The following RBM25 variants were observed in gnomAD, a reference collection of about 807,000 sequenced individuals.
RBM25 encodes RNA binding motif protein 25.
Under a neutral mutation model 120.7 loss-of-function variants are expected in RBM25, and 19 were observed. The ratio of observed to expected loss-of-function variants is 0.16; its 90% CI spans 0.11 to 0.23. RBM25 has a LOEUF of 0.23. Ranked by LOEUF, RBM25 falls within the 10% of genes least tolerant of loss-of-function variation. The pLI, the probability that RBM25 is intolerant of heterozygous loss-of-function variation, is 1.00. For missense variants in RBM25, 605 were observed against 1,041.5 expected, an observed-to-expected ratio of 0.58 and a Z score of 5.77; for synonymous variants, 390 against 326.7, an observed-to-expected ratio of 1.19 and a Z score of -2.09.
At chr14:73,114,093 T>C (rs925565335) in intron 17 of RBM25, among the ~76,000 whole-genome samples, 193 bp from the exon 18 acceptor site, 5 of 151,272 alleles carry the variant, frequency 3.3e-5, no homozygotes, top group Non-Finnish European at 7.4e-5. Flanking sequence ...CAGACCACTA[T>C]GGAGATTAAT....
At chr14:73,074,568 G>A (rs1895369406) in intron 2 of RBM25, among the ~76,000 whole-genome samples, 1 of 152,134 alleles carries the variant, frequency 6.6e-6, no homozygotes, top group African/African-American at 2.4e-5. Context: ...GAAAGACCCT[G>A]TCTTGTGGGG....
intron 14 of RBM25, among the ~76,000 whole-genome samples, chr14:73,109,929 G>C (rs1896273467): frequency 1.3e-5 from 2 of 152,074 alleles, no homozygotes; most frequent in African/African-American, 4.8e-5. Context: ...GTGTCGCCCA[G>C]GCTGGAGTGC....
At chr14:73,061,751 A>G (rs980275529) in intron 1 of RBM25, among the ~76,000 whole-genome samples, 4 of 151,172 alleles carry the variant, frequency 2.6e-5, no homozygotes, top group African/African-American at 9.7e-5. Flanking sequence ...TATTTTTGGT[A>G]GAGATGGGGT....
At chr14:73,082,031 G>A (rs1002510598) in intron 4 of RBM25, among the ~76,000 whole-genome samples, 1 of 152,150 alleles carries the variant, frequency 6.6e-6, no homozygotes. Flanking sequence ...AGCTATTTGA[G>A]AATTCTTTTT....
intron 10 of RBM25, among the ~76,000 whole-genome samples, chr14:73,104,239 T>C (rs1003484370): frequency 3.3e-5 from 5 of 152,108 alleles, no homozygotes; most frequent in African/African-American, 1.2e-4. Context: ...TTTATTTGTT[T>C]TTGTAGCCCA....
chr14:73,065,287 C>A (rs747052720), intron 1 of RBM25, among the ~76,000 whole-genome samples: 7 of 152,276 alleles, frequency 4.6e-5, no homozygotes, highest in Admixed American at 2.0e-4. Flanking sequence ...CGCCACCACA[C>A]CCAGCTAGTT....
rs1896536804 is a variant in RBM25 at position 73,121,263 on chromosome 14, A to ATG, written c.*1461_*1462dup. On this transcript the variant is annotated 3_prime_UTR_variant, in exon 19 of 19. Transcript: ENST00000261973. ...ACACTGTTCTTACCCTCGAACCCTGATGTGGTTCCATTATGTAAATATTTC... is the reference window on the plus strand; with the variant it reads ...ACACTGTTCTTACCCTCGAACCCTGATGTGTGGTTCCATTATGTAAATATTTC... The ATG allele has an allele frequency of 6.6e-6, 1 of 152,218 alleles. No homozygotes were observed. The highest frequency in any genetic ancestry group is 1.5e-5 in the Non-Finnish European group (1 of 67,982). The allele number at this position is 152,218 out of a possible 1,614,324, so 9.4% of individuals were successfully genotyped here.
intron 6 of RBM25, among the ~76,000 whole-genome samples, chr14:73,094,056 A>C (rs1177834302): frequency 1.4e-5 from 2 of 143,118 alleles, no homozygotes; most frequent in African/African-American, 5.3e-5. Context: ...GGTTCACGCC[A>C]TTCTCCTGCC....
intron 1 of RBM25, chr14:73,064,930 A>T (rs1405361155): frequency 1.3e-5 from 2 of 151,046 alleles, no homozygotes; most frequent in Non-Finnish European, 3.0e-5. Context: ...AATATAACTT[A>T]AATACCAAGA....
At chr14:73,075,865 C>T (rs1465858466) in intron 2 of RBM25, among the ~76,000 whole-genome samples, 1 of 150,620 alleles carries the variant, frequency 6.6e-6, no homozygotes, top group East Asian at 2.0e-4. Context: ...AGGCAGATCT[C>T]GATCTCCTGG....
At chr14:73,068,597 C>T in intron 1 of RBM25, 1 of 512,288 alleles carries the variant, frequency 2.0e-6, no homozygotes, top group Non-Finnish European at 3.7e-6. Flanking sequence ...CTGACCATGG[C>T]TCTGAGAAGT....
chr14:73,121,214 C>T lies in RBM25; in HGVS notation c.*1409C>T, dbSNP rs773939464. 6.6e-6 allele frequency: 1 copy of T among 150,698 alleles called. No homozygotes were observed. The highest frequency in any genetic ancestry group is 1.5e-5 in the Non-Finnish European group (1 of 67,688). The allele number at this position is 150,698 out of a possible 1,614,324, so 9.3% of individuals were successfully genotyped here. On this transcript the variant is annotated 3_prime_UTR_variant, in exon 19 of 19. Transcript: ENST00000261973. ...TTACTGGATTTTTTTTTTTTTTAAA[C>T]ACACCTGGAGAGGACATTTGAAAAC... is the stretch of plus-strand genomic sequence containing the variant.
chr14:73,077,289 C>A (rs1214487971), intron 3 of RBM25, 80 bp from the exon 4 acceptor site: 5 of 1,230,686 alleles, frequency 4.1e-6, no homozygotes, highest in Non-Finnish European at 5.7e-6. Context: ...TTTATTTAAT[C>A]CTGATGTTTT....
intron 13 of RBM25, 100 bp from the exon 14 acceptor site, chr14:73,109,242 T>C: frequency 8.0e-7 from 1 of 1,255,438 alleles, no homozygotes; most frequent in Non-Finnish European, 1.1e-6. Context: ...CCTCTTAGCA[T>C]GCAGGTTGTA....
chr14:73,093,866 T>C (rs1476870975), intron 6 of RBM25, among the ~76,000 whole-genome samples: 3 of 151,752 alleles, frequency 2.0e-5, no homozygotes, highest in South Asian at 2.1e-4. Flanking sequence ...ATAGTTGATA[T>C]TCCAGAGATA....
intron 1 of RBM25, 165 bp downstream of exon 1, chr14:73,058,870 C>T (rs1349845248): frequency 6.6e-6 from 1 of 151,640 alleles, no homozygotes; most frequent in Non-Finnish European, 1.5e-5. Context: ...TTGGTTTCTT[C>T]TCTTCTCTAA....
intron 6 of RBM25, among the ~76,000 whole-genome samples, chr14:73,096,123 A>C (rs957763001): frequency 6.6e-6 from 1 of 152,074 alleles, no homozygotes. Flanking sequence ...AATTATAGGC[A>C]TGCACCACCG....
chr14:73,072,916 T>A (rs1895328397), intron 2 of RBM25, among the ~76,000 whole-genome samples: 1 of 152,100 alleles, frequency 6.6e-6, no homozygotes, highest in South Asian at 2.1e-4. Flanking sequence ...TTATTTTGTT[T>A]GTGTGTGCGT....
intron 4 of RBM25, among the ~76,000 whole-genome samples, chr14:73,081,579 C>T (rs1895564626): frequency 6.6e-6 from 1 of 152,034 alleles, no homozygotes; most frequent in African/African-American, 2.4e-5. Flanking sequence ...TTGCTTGTGC[C>T]GACACATAGT....
Sources: gnomAD v4.1 joint callset for allele counts (sites outside exome capture counted in the v4.1 genomes callset) on GRCh38, gnomAD v4.1.1 for gene constraint, MANE v1.5 for transcripts, NCBI Gene and HGNC (gene_info 2026-07-23, HGNC 2026-07-21) for gene names.